The following GPC5 variants were observed in gnomAD, a reference collection of about 807,000 sequenced individuals.
GPC5 encodes the protein glypican 5, also known as glypican-5.
Under a neutral mutation model 53.9 loss-of-function variants are expected in GPC5, and 47 were observed. That is an observed-to-expected ratio of 0.87 (90% CI 0.69 to 1.11). The LOEUF (loss-of-function observed/expected upper bound fraction) is 1.11. Among genes scored for constraint, GPC5 ranks in the 50% most tolerant of loss-of-function variants. The probability of loss-of-function intolerance (pLI) is 0.00; values close to 1 mark genes in which losing one functional copy is unlikely to be tolerated. For synonymous variants in GPC5, 286 were observed against 263.3 expected, an observed-to-expected ratio of 1.09 and a Z score of -0.84; for missense variants, 748 against 713.1, an observed-to-expected ratio of 1.05 and a Z score of -0.56.
At chr13:92,112,691 G>A (rs1306902152) in intron 6 of GPC5, among the ~76,000 whole-genome samples, 1 of 152,076 alleles carries the variant, frequency 6.6e-6, no homozygotes, top group African/African-American at 2.4e-5. Flanking sequence ...TGTAGATGTT[G>A]ATCATAGGAT....
intron 7 of GPC5, among the ~76,000 whole-genome samples, chr13:92,337,031 C>A (rs190911483): frequency 1.1e-4 from 17 of 152,232 alleles, no homozygotes; most frequent in Admixed American, 4.6e-4. Context: ...ATTCAGTTAT[C>A]TCCCACTGGG....
At chr13:92,328,366 C>T (rs1343797984) in intron 7 of GPC5, among the ~76,000 whole-genome samples, 1 of 151,968 alleles carries the variant, frequency 6.6e-6, no homozygotes, top group Non-Finnish European at 1.5e-5. Flanking sequence ...CAAACAGAAC[C>T]AGATATAGAA....
At chr13:92,584,735 G>C (rs562860925) in intron 7 of GPC5, among the ~76,000 whole-genome samples, 1 of 152,228 alleles carries the variant, frequency 6.6e-6, no homozygotes, top group East Asian at 1.9e-4. Flanking sequence ...AGAGGCATAG[G>C]AGAAAATGGT....
rs150898937 is a variant in GPC5 at position 92,592,356 on chromosome 13, A to G, written c.1562-273926A>G. ...TATAGTGTATGTGTCTAAGAAGTCAAAGAAAGAAAGTGTTTCAAGAAGGAG... is the reference window on the plus strand; with the variant it reads ...TATAGTGTATGTGTCTAAGAAGTCAGAGAAAGAAAGTGTTTCAAGAAGGAG... On this transcript the variant is annotated intron_variant, in intron 7 of 7. Transcript: ENST00000377067. Among the ~76,000 whole-genome samples, 310 of 151,758 alleles carry G rather than the reference A, an allele frequency of 2.0e-3. 4 individuals carry two copies. The highest frequency in any genetic ancestry group is 7.2e-3 in the African/African-American group (299 of 41,458).
At chr13:92,127,326 T>G (rs1197612516) in intron 6 of GPC5, among the ~76,000 whole-genome samples, 1 of 151,336 alleles carries the variant, frequency 6.6e-6, no homozygotes, top group Non-Finnish European at 1.5e-5. Context: ...TATATGTGTA[T>G]GTGTATATAT....
chr13:91,986,364 C>T (rs937109442), intron 6 of GPC5, among the ~76,000 whole-genome samples: 2 of 152,168 alleles, frequency 1.3e-5, no homozygotes, highest in Middle Eastern at 3.4e-3. Context: ...CACGCCCGGC[C>T]GCCAATACAT....
At chr13:92,643,965 C>A (rs1449525798) in intron 7 of GPC5, among the ~76,000 whole-genome samples, 4 of 151,992 alleles carry the variant, frequency 2.6e-5, no homozygotes, top group Admixed American at 2.6e-4. Context: ...ACATGACTGG[C>A]CAAAATAATT....
chr13:91,622,930 C>T (rs574196151), intron 2 of GPC5, among the ~76,000 whole-genome samples: 63 of 152,184 alleles, frequency 4.1e-4, no homozygotes, highest in Middle Eastern at 3.4e-3. Context: ...TTCCATGATT[C>T]ATAGGCTGAG....
chr13:92,460,428 CT>C (rs201522635), intron 7 of GPC5, among the ~76,000 whole-genome samples: 4 of 151,474 alleles, frequency 2.6e-5, no homozygotes, highest in South Asian at 2.1e-4. Flanking sequence ...TTCTTACTTT[CT>C]TTTTTTTTCT....
chr13:92,403,435 G>C (rs1875647152), intron 7 of GPC5, among the ~76,000 whole-genome samples: 2 of 152,190 alleles, frequency 1.3e-5, no homozygotes, highest in South Asian at 4.1e-4. Flanking sequence ...ATTACCACCT[G>C]AGCTCCGCCT....
At chr13:91,647,067 A>ATG (rs761974517) in intron 2 of GPC5, among the ~76,000 whole-genome samples, 1 of 127,664 alleles carries the variant, frequency 7.8e-6, no homozygotes, top group Non-Finnish European at 1.7e-5. Flanking sequence ...TAATATATAT[A>ATG]TGCGTGTGTG....
intron 7 of GPC5, among the ~76,000 whole-genome samples, chr13:92,424,329 A>C (rs938347151): frequency 1.3e-5 from 2 of 152,130 alleles, no homozygotes; most frequent in African/African-American, 2.4e-5. Flanking sequence ...TTTAAGAGAT[A>C]AGTGATTTTA....
chr13:92,579,322 CCT>C (rs911678107), intron 7 of GPC5, among the ~76,000 whole-genome samples: 117 of 95,772 alleles, frequency 1.2e-3, no homozygotes, highest in East Asian at 3.8e-3. Flanking sequence ...TCCCTCCCTC[CCT>C]CTCTCTCTCT....
intron 2 of GPC5, among the ~76,000 whole-genome samples, chr13:91,556,568 T>TACACAC (rs1284413413): frequency 6.6e-6 from 1 of 150,664 alleles, no homozygotes; most frequent in South Asian, 2.1e-4. Context: ...TATATATATA[T>TACACAC]ATACACACAC....
intron 2 of GPC5, among the ~76,000 whole-genome samples, chr13:91,583,220 G>T (rs573433331): frequency 7.1e-4 from 108 of 151,728 alleles, no homozygotes; most frequent in Non-Finnish European, 1.1e-3. Flanking sequence ...AGAGAAAGAA[G>T]GTAAGTAAAA....
At chr13:92,107,814 C>T (rs1021780942) in intron 6 of GPC5, among the ~76,000 whole-genome samples, 2 of 152,148 alleles carry the variant, frequency 1.3e-5, no homozygotes, top group African/African-American at 4.8e-5. Context: ...CAAGCTCTAC[C>T]TCATTACTAG....
At chr13:91,795,487 A>G (rs2038032419) in intron 5 of GPC5, among the ~76,000 whole-genome samples, 1 of 152,196 alleles carries the variant, frequency 6.6e-6, no homozygotes, top group African/African-American at 2.4e-5. Context: ...TATCTATTTT[A>G]GCCATGATTT....
At chr13:92,276,952 A>G (rs1043386138) in intron 7 of GPC5, among the ~76,000 whole-genome samples, 2 of 152,030 alleles carry the variant, frequency 1.3e-5, no homozygotes, top group Admixed American at 1.3e-4. Context: ...TTACTTTAGT[A>G]CACTGGAAAT....
intron 7 of GPC5, among the ~76,000 whole-genome samples, chr13:92,407,929 A>G (rs569270665): frequency 5.3e-5 from 8 of 152,378 alleles, no homozygotes; most frequent in African/African-American, 1.7e-4. Context: ...AGATTGGTCT[A>G]TAAAGAGAAA....
Sources: allele counts gnomAD v4.1 joint callset (sites outside exome capture counted in the v4.1 genomes callset), GRCh38; gene constraint gnomAD v4.1.1; transcripts MANE v1.5; gene names NCBI Gene and HGNC (gene_info 2026-07-23, HGNC 2026-07-21).